The following JAZF1 variants were observed in gnomAD, a reference collection of about 807,000 sequenced individuals.
JAZF1 encodes JAZF zinc finger 1.
In JAZF1, 8 loss-of-function variants were observed where a neutral mutation model predicts 26.4. The ratio of observed to expected loss-of-function variants is 0.30; its 90% confidence interval spans 0.18 to 0.55. The LOEUF is 0.55. Among genes scored for constraint, JAZF1 ranks in the 20% least tolerant of loss-of-function variants. JAZF1 has a pLI of 0.94. For synonymous variants in JAZF1, 126 were observed against 122.3 expected, an observed-to-expected ratio of 1.03 and a Z score of -0.20; for missense variants, 199 against 322.0, an observed-to-expected ratio of 0.62 and a Z score of 2.92.
intron 1 of JAZF1, among the ~76,000 whole-genome samples, chr7:27,998,123 A>G (rs888558621): frequency 2.0e-5 from 3 of 151,654 alleles, no homozygotes; most frequent in African/African-American, 7.3e-5. Context: ...CAAACACATC[A>G]AGGCCTGGGA....
At chr7:27,958,339 T>C (rs1785134043) in intron 2 of JAZF1, among the ~76,000 whole-genome samples, 1 of 152,218 alleles carries the variant, frequency 6.6e-6, no homozygotes, top group Non-Finnish European at 1.5e-5. Flanking sequence ...AGGAAAGGAA[T>C]GCCTTCTAAA....
chr7:28,043,673 A>G (rs147651542), intron 1 of JAZF1, among the ~76,000 whole-genome samples: 590 of 152,268 alleles, frequency 3.9e-3, no homozygotes, highest in Middle Eastern at 0.02. Flanking sequence ...TTGTTCAAAG[A>G]CTTGAACATA....
At chr7:28,067,519 G>A (rs1430539441) in intron 1 of JAZF1, among the ~76,000 whole-genome samples, 1 of 152,156 alleles carries the variant, frequency 6.6e-6, no homozygotes, top group Non-Finnish European at 1.5e-5. Flanking sequence ...CCTCATCAGT[G>A]CTGCCCAGGC....
In JAZF1 at chr7:28,032,192, T is replaced by C. The variant is rs145000033; in HGVS notation, c.116-40211A>G. On this transcript the variant is annotated intron_variant, in intron 1 of 4. Coordinates refer to ENST00000283928, the MANE Select transcript of JAZF1 (RefSeq NM_175061.4). ...TATGAATAAAACATGATTTCTTCCT[T>C]ACTTTCATGTTTACCTTCTCCTTCT... Among the ~76,000 whole-genome samples the C allele has an allele frequency of 5.9e-3, 901 of 152,332 alleles. 8 individuals are homozygous for C. The highest frequency in any genetic ancestry group is 0.02 in the African/African-American group (819 of 41,590).
intron 1 of JAZF1, among the ~76,000 whole-genome samples, chr7:28,172,422 T>C (rs1471839653): frequency 6.6e-6 from 1 of 152,246 alleles, no homozygotes; most frequent in Non-Finnish European, 1.5e-5. Flanking sequence ...ATTCTTTTTA[T>C]CAATGATACT....
At chr7:27,981,099 C>T (rs1444838615) in intron 2 of JAZF1, among the ~76,000 whole-genome samples, 1 of 152,196 alleles carries the variant, frequency 6.6e-6, no homozygotes, top group East Asian at 1.9e-4. Context: ...TTTCTCTTCA[C>T]TTAAAAATCA....
chr7:28,064,790 G>A (rs1783853493), intron 1 of JAZF1, among the ~76,000 whole-genome samples: 3 of 152,060 alleles, frequency 2.0e-5, no homozygotes, highest in Admixed American at 2.0e-4. Context: ...ACTGGCAGGT[G>A]GAATAAACAG....
chr7:27,950,856 T>C (rs189324220), intron 2 of JAZF1, among the ~76,000 whole-genome samples: 1 of 152,130 alleles, frequency 6.6e-6, no homozygotes, highest in Admixed American at 6.5e-5. Flanking sequence ...TAATTACAAA[T>C]CAGTGCAATA....
At chr7:28,154,549 GA>G (rs1783152604) in intron 1 of JAZF1, among the ~76,000 whole-genome samples, 1 of 152,116 alleles carries the variant, frequency 6.6e-6, no homozygotes. Context: ...CACATTTACT[GA>G]ATGTCTCTTG....
At chr7:28,107,225 T>C (rs542125251) in intron 1 of JAZF1, among the ~76,000 whole-genome samples, 70 of 152,318 alleles carry the variant, frequency 4.6e-4, no homozygotes, top group Middle Eastern at 6.8e-3. Flanking sequence ...GAGTGAAGTA[T>C]CTTGAAGGTA....
At chr7:28,129,093 A>C (rs1407457437) in intron 1 of JAZF1, among the ~76,000 whole-genome samples, 5 of 149,224 alleles carry the variant, frequency 3.4e-5, no homozygotes, top group Non-Finnish European at 1.5e-5. Flanking sequence ...TCTCCATCCT[A>C]AACAGCAGGA....
At chr7:28,002,622 T>TAAA (rs1005550884) in intron 1 of JAZF1, among the ~76,000 whole-genome samples, 1 of 152,214 alleles carries the variant, frequency 6.6e-6, no homozygotes, top group African/African-American at 2.4e-5. Context: ...GTTTTGAAAC[T>TAAA]AAAACTTGCA....
chr7:28,163,821 G>T (rs1216257152), intron 1 of JAZF1, among the ~76,000 whole-genome samples: 2 of 152,120 alleles, frequency 1.3e-5, no homozygotes, highest in Admixed American at 1.3e-4. Context: ...TTTTATCTCT[G>T]TACTAAACAT....
chr7:27,920,162 A>G (rs1387503443), intron 2 of JAZF1, among the ~76,000 whole-genome samples: 2 of 152,218 alleles, frequency 1.3e-5, no homozygotes, highest in Non-Finnish European at 2.9e-5. Context: ...CGTTCCTTAA[A>G]ACTTCAGCTT....
chr7:28,116,684 G>A (rs887592704), intron 1 of JAZF1, among the ~76,000 whole-genome samples: 5 of 151,860 alleles, frequency 3.3e-5, no homozygotes, highest in Admixed American at 6.5e-5. Flanking sequence ...TCCTGACCTC[G>A]TGATCCACCT....
chr7:28,116,918 G>A (rs927532123), intron 1 of JAZF1, among the ~76,000 whole-genome samples: 11 of 151,690 alleles, frequency 7.3e-5, no homozygotes, highest in African/African-American at 2.4e-4. Context: ...CCGCCTCCCA[G>A]GTTCAAGCGA....
At chr7:27,849,741 C>G (rs943961078) in intron 3 of JAZF1, among the ~76,000 whole-genome samples, 2 of 57,058 alleles carry the variant, frequency 3.5e-5, no homozygotes, top group Non-Finnish European at 7.2e-5. Context: ...ATATTGGAAC[C>G]CTTACACACA....
At chr7:27,924,059 G>T (rs1035836946) in intron 2 of JAZF1, among the ~76,000 whole-genome samples, 1 of 152,154 alleles carries the variant, frequency 6.6e-6, no homozygotes, top group African/African-American at 2.4e-5. Flanking sequence ...CAGTTTTCAT[G>T]ATCATTTTCT....
chr7:28,097,875 AACCCAGAACACTATGCACTTCTGC>A (rs1562586447), intron 1 of JAZF1, among the ~76,000 whole-genome samples: 1 of 152,194 alleles, frequency 6.6e-6, no homozygotes, highest in Non-Finnish European at 1.5e-5. Flanking sequence ...GCTTTAACCA[AACCCAGAACACTATGCACTTCTGC>A]ACAGGGGTGC....
Sources: allele counts gnomAD v4.1 joint callset (sites outside exome capture counted in the v4.1 genomes callset), GRCh38; gene constraint gnomAD v4.1.1; transcripts MANE v1.5; gene names NCBI Gene and HGNC (gene_info 2026-07-23, HGNC 2026-07-21).